TMTC1: variants seen among roughly 807,000 people sequenced by gnomAD.
The protein encoded by TMTC1 is protein O-mannosyl-transferase TMTC1.
A neutral mutation model predicts 104.8 loss-of-function variants in TMTC1; 73 were observed. That is an observed-to-expected ratio of 0.70 (90% CI 0.58 to 0.85). TMTC1 has a LOEUF of 0.85. Ranked by LOEUF, TMTC1 falls within the 40% of genes least tolerant of loss-of-function variation. The probability of loss-of-function intolerance (pLI) is 0.00; values close to 1 mark genes in which losing one functional copy is unlikely to be tolerated. For synonymous variants in TMTC1, 434 were observed against 428.7 expected (o/e 1.01, Z -0.15); for missense variants, 1,035 against 1,096.1 (o/e 0.94, Z 0.79).
At position 29,670,037 on chromosome 12, in the gene TMTC1, C is replaced by A. The variant is rs1019151540; in HGVS notation, c.939-36701G>T. Among the ~76,000 whole-genome samples, 4 of 152,178 alleles carry A rather than the reference C, an allele frequency of 2.6e-5. No individual in the cohort carries two copies. The East Asian group carries it at 5.8e-4, about 22-fold the overall frequency. On this transcript the variant is annotated intron_variant, in intron 5 of 17. Transcript: ENST00000539277. ...TGTGTTTTCCGTTATTTCCATCCAT[C>A]CAAGTTTGTTGCAAACCAAAGACTA...
At chr12:29,680,834 G>T (rs1257110456) in intron 5 of TMTC1, among the ~76,000 whole-genome samples, 1 of 151,986 alleles carries the variant, frequency 6.6e-6, no homozygotes, top group Non-Finnish European at 1.5e-5. Context: ...AGCAATGAAG[G>T]TCTAACTGAT....
intron 5 of TMTC1, among the ~76,000 whole-genome samples, chr12:29,706,980 G>A (rs756033571): frequency 1.3e-5 from 2 of 152,196 alleles, no homozygotes; most frequent in Non-Finnish European, 2.9e-5. Flanking sequence ...CCCATAGGTG[G>A]AAAACAGAAG....
intron 10 of TMTC1, among the ~76,000 whole-genome samples, chr12:29,542,713 A>C (rs958023004): frequency 6.6e-6 from 1 of 152,136 alleles, no homozygotes; most frequent in Non-Finnish European, 1.5e-5. Flanking sequence ...AAAGCTAAAA[A>C]GACAGGATAA....
chr12:29,624,943 G>A (rs1937898634), intron 6 of TMTC1, among the ~76,000 whole-genome samples: 1 of 152,160 alleles, frequency 6.6e-6, no homozygotes, highest in African/African-American at 2.4e-5. Flanking sequence ...AGGTGAAAAT[G>A]AAAGATCTTT....
At chr12:29,758,926 T>C (rs1943278795) in intron 2 of TMTC1, 149 bp from the exon 3 acceptor site, 2 of 674,648 alleles carry the variant, frequency 3.0e-6, no homozygotes, top group African/African-American at 1.9e-5. Context: ...TTCTGATATA[T>C]GGCTAAGCAC....
In TMTC1 at chr12:29,643,796, TAC is replaced by T. The variant is rs374974647; in HGVS notation, c.939-10462_939-10461del. On this transcript the variant is annotated intron_variant, in intron 5 of 17. Coordinates refer to ENST00000539277, the MANE Select transcript of TMTC1 (RefSeq NM_001193451.2). ...ATTTATATATTTATATATATTTATA[TAC>T]ATATTTATATATTTATATATATTTA... is the stretch of plus-strand genomic sequence containing the variant. Among the ~76,000 whole-genome samples the T allele has an allele frequency of 4.8e-3, 226 of 46,924 alleles. 4 individuals carry two copies. Among genetic ancestry groups the T allele is most frequent in the African/African-American group, 0.015 (205 of 13,286 alleles). 30.8% of individuals were successfully genotyped at this position (46,924 alleles called of 152,430 possible). A position where few individuals can be genotyped will look rare whatever the true frequency, so the allele number is the denominator to read the frequency against.
At chr12:29,735,287 C>T (rs369170835) in intron 5 of TMTC1, among the ~76,000 whole-genome samples, 5 of 152,178 alleles carry the variant, frequency 3.3e-5, no homozygotes, top group East Asian at 3.9e-4. Flanking sequence ...AGGAGCCATG[C>T]TGCAGGGGCC....
At chr12:29,511,922 G>GATAT (rs764908447) in intron 17 of TMTC1, 121 bp downstream of exon 17, 54 of 984,340 alleles carry the variant, frequency 5.5e-5, no homozygotes, top group Middle Eastern at 4.1e-4. Context: ...CCATACTTTT[G>GATAT]ATATTCAAAT....
intron 9 of TMTC1, among the ~76,000 whole-genome samples, chr12:29,559,196 C>T (rs1258463792): frequency 1.3e-5 from 2 of 152,264 alleles, no homozygotes; most frequent in East Asian, 3.9e-4. Flanking sequence ...TTATTTAAGG[C>T]TCTGAGCCCT....
chr12:29,698,108 A>G (rs1403854082), intron 5 of TMTC1, among the ~76,000 whole-genome samples: 3 of 152,192 alleles, frequency 2.0e-5, no homozygotes, highest in Non-Finnish European at 4.4e-5. Flanking sequence ...CAACCAAGGA[A>G]GAAAACAATT....
At chr12:29,532,561 A>C (rs1944533940) in intron 11 of TMTC1, 1 of 152,198 alleles carries the variant, frequency 6.6e-6, no homozygotes, top group South Asian at 2.1e-4. Flanking sequence ...CCATGAAAAA[A>C]CAAAATAGTA....
chr12:29,545,133 C>A (rs1311413422), intron 10 of TMTC1, among the ~76,000 whole-genome samples: 1 of 103,500 alleles, frequency 9.7e-6, no homozygotes, highest in African/African-American at 3.9e-5. Flanking sequence ...CTACCAGAAG[C>A]CTCACAGATG....
chr12:29,646,525 C>T (rs10843462), intron 5 of TMTC1, among the ~76,000 whole-genome samples: 26,903 of 152,018 alleles, frequency 0.18, 2,616 homozygotes, highest in Non-Finnish European at 0.24. Context: ...AGTAAGTGAT[C>T]CAGATCTGCA....
intron 15 of TMTC1, among the ~76,000 whole-genome samples, chr12:29,515,751 G>A (rs1196903516): frequency 1.7e-5 from 1 of 59,710 alleles, no homozygotes; most frequent in Non-Finnish European, 3.2e-5. Flanking sequence ...CAAGGGCAGT[G>A]ACTTTTTTTT....
chr12:29,553,933 A>G (rs987109708), intron 10 of TMTC1, among the ~76,000 whole-genome samples: 3 of 152,200 alleles, frequency 2.0e-5, no homozygotes, highest in African/African-American at 4.8e-5. Context: ...TAACTGTAGA[A>G]TAGCATTCCT....
intron 5 of TMTC1, among the ~76,000 whole-genome samples, chr12:29,693,504 A>G (rs1591934879): frequency 6.6e-6 from 1 of 151,954 alleles, no homozygotes; most frequent in South Asian, 2.1e-4. Context: ...TTTGTAACCA[A>G]CCTTTCTCTA....
Position 29,518,531 on chromosome 12 carries a change from G to A in TMTC1, c.1965C>T (p.Asn655=). The A allele has an allele frequency of 3.1e-6, 5 of 1,614,114 alleles. No individual in the cohort carries two copies. The highest frequency in any genetic ancestry group is 4.2e-6 in the Non-Finnish European group (5 of 1,179,992). ...CCAGTGACCTGTAGAGTCTTCCCAA[G>A]TTCACCATGGCCACGTGATGACTGG... ...LSPSHHVAMV[N]LGRLYRSLGE... is the part of the protein sequence containing the mutation. Residue 655 remains asparagine (N), a synonymous_variant, in exon 13 of 18, where the codon AAC becomes AAT. Coordinates refer to ENST00000539277, the MANE Select transcript of TMTC1 (RefSeq NM_001193451.2).
At chr12:29,536,061 CT>C in intron 11 of TMTC1, 147 bp downstream of exon 11, 1 of 626,884 alleles carries the variant, frequency 1.6e-6, no homozygotes, top group Non-Finnish European at 2.8e-6. Flanking sequence ...GAAAATTAGG[CT>C]TGTAATTTCT....
chr12:29,654,666 C>T (rs1419119802), intron 5 of TMTC1, among the ~76,000 whole-genome samples: 1 of 151,152 alleles, frequency 6.6e-6, no homozygotes, highest in African/African-American at 2.4e-5. Flanking sequence ...ATGTTCATAG[C>T]ACCATTATTC....
Sources: allele counts gnomAD v4.1 joint callset (sites outside exome capture counted in the v4.1 genomes callset), GRCh38; gene constraint gnomAD v4.1.1; transcripts MANE v1.5; gene names NCBI Gene and HGNC (gene_info 2026-07-23, HGNC 2026-07-21).